The following PSAPL1 variants were observed in gnomAD, a reference collection of about 807,000 sequenced individuals.
PSAPL1 encodes the protein proactivator polypeptide-like 1.
For missense variants in PSAPL1, 814 were observed against 688.8 expected (o/e 1.18, Z -2.03); for synonymous variants, 351 against 291.6 (o/e 1.20, Z -2.08).
Position 7,431,404 on chromosome 4 carries a change from G to A in PSAPL1, c.*1910C>T, listed in dbSNP as rs1256266298. The A allele has an allele frequency of 6.6e-6, 1 of 152,316 alleles. No individual in the cohort carries two copies. The highest frequency in any genetic ancestry group is 1.5e-5 in the Non-Finnish European group (1 of 68,112). 9.4% of individuals were successfully genotyped at this position (152,316 alleles called of 1,614,324 possible). A position where few individuals can be genotyped will look rare whatever the true frequency, so the allele number is the denominator to read the frequency against. ...GCCTCTCCCAGGTGACCTGTCGGGGGATTTCAGGTCATGTCACACATACTT... is the reference window on the plus strand; with the variant it reads ...GCCTCTCCCAGGTGACCTGTCGGGGAATTTCAGGTCATGTCACACATACTT... On this transcript the variant is annotated 3_prime_UTR_variant, in exon 1 of 1. Transcript: ENST00000319098.
Position 7,434,910 on chromosome 4 carries a change from C to T in PSAPL1, c.-31G>A. On this transcript the variant is annotated 5_prime_UTR_variant, in exon 1 of 1. Coordinates refer to ENST00000319098, the MANE Select transcript of PSAPL1 (RefSeq NM_001085382.2). ...CCAGGGACTCTCTGGCTCCAGAGTACCCAGCAGTGGCTGCTGCTATAAACC... is the reference window on the plus strand; with the variant it reads ...CCAGGGACTCTCTGGCTCCAGAGTATCCAGCAGTGGCTGCTGCTATAAACC... 6.6e-7 allele frequency: 1 copy of T among 1,504,470 alleles called. No homozygotes were observed. The highest frequency in any genetic ancestry group is 8.9e-7 in the Non-Finnish European group (1 of 1,127,156). 93.2% of individuals were successfully genotyped at this position (1,504,470 alleles called of 1,614,324 possible).
In PSAPL1 at chr4:7,434,344, G is replaced by C; in HGVS notation, c.536C>G (p.Pro179Arg). 3 of 1,609,450 alleles carry C rather than the reference G, an allele frequency of 1.9e-6. No individual in the cohort carries two copies. Among genetic ancestry groups the C allele is most frequent in the Non-Finnish European group, 2.5e-6 (3 of 1,178,230 alleles). Residue 179 changes from proline (P) to arginine (R), a missense_variant, in exon 1 of 1, where the codon CCT becomes CGT. Physicochemically the swap from Pro to Arg is moderately radical, Grantham distance 103. Transcript: ENST00000319098. ...ACAGTCTTGGCACAGAGCTCCTTCA[G>C]GCGCCTGGCGGGGGTGGAAGGTAAG... ...GPLTFHPRQA[P>R]EGALCQDCVR...
Position 7,433,914 on chromosome 4 carries a change from C to T in PSAPL1, c.966G>A (p.Glu322=), listed in dbSNP as rs543804070. The change falls in exon 1 of 1, where the codon GAG becomes GAA. Residue 322 remains glutamate, a synonymous_variant. Transcript: ENST00000319098. The part of the protein sequence containing the change: ...SSELMITHAL[E]RVCSVMPASI... ...AGGCAGGCATTACCGAGCACACGCG[C>T]TCCAGGGCATGGGTGATCATGAGCT... 6.2e-6 allele frequency: 10 copies of T among 1,613,882 alleles called. No individual in the cohort carries two copies. Among genetic ancestry groups the T allele is most frequent in the East Asian group, 4.5e-5 (2 of 44,880 alleles).
chr4:7,434,684 C>T lies in PSAPL1; in HGVS notation c.196G>A (p.Val66Ile), dbSNP rs762924459. 21 of 1,612,636 alleles carry T rather than the reference C, an allele frequency of 1.3e-5. No homozygotes were observed. The highest frequency in any genetic ancestry group is 2.2e-5 in the East Asian group (1 of 44,862). ...GCGGCGGCTGCTATGTCCTGGCATA[C>T]GTCGCAGGGCAGAGACTTCGCGGTG... ...KPTAKSLPCD[V>I]CQDIAAAAGN... The change falls in exon 1 of 1, where the codon GTA becomes ATA. Residue 66 changes from valine (V) to isoleucine (I), a missense_variant. By Grantham distance (29) the Val-to-Ile change is conservative (BLOSUM62 3). Transcript: ENST00000319098.
Position 7,433,477 on chromosome 4 carries a change from G to T in PSAPL1, c.1403C>A (p.Ala468Asp), listed in dbSNP as rs761604402. 1.9e-6 allele frequency: 3 copies of T among 1,579,210 alleles called. No individual in the cohort carries two copies. Among genetic ancestry groups the T allele is most frequent in the East Asian group, 2.3e-5 (1 of 44,190 alleles). Reference protein sequence around the residue: ...DPVAVCKKVGACHGPRTPLLG... With the variant: ...DPVAVCKKVGDCHGPRTPLLG... ...CAGTGGGGTCCTGGGGCCGTGGCAG[G>T]CCCCCACCTTCTTGCACACAGCCAC... The change falls in exon 1 of 1, where the codon GCC becomes GAC. Residue 468 changes from alanine to aspartate, a missense_variant. Coordinates refer to ENST00000319098, the MANE Select transcript of PSAPL1 (RefSeq NM_001085382.2).
chr4:7,434,136 G>A lies in PSAPL1; in HGVS notation c.744C>T (p.Cys248=). 6.2e-7 allele frequency: 1 copy of A among 1,613,662 alleles called. No homozygotes were observed. Among genetic ancestry groups the A allele is most frequent in the Non-Finnish European group, 8.5e-7 (1 of 1,179,684 alleles). ...GCTCCTCACAGAATCCCCCCTTCCT[G>A]CAGAGCTCCTGCGGGGGGAGAAGCC... is the stretch of plus-strand genomic sequence containing the variant. ...ALRLLPPQEL[C]RKGGFCEELG... The change falls in exon 1 of 1, where the codon TGC becomes TGT. Residue 248 remains cysteine, a synonymous_variant. Transcript: ENST00000319098.
At position 7,430,347 on chromosome 4, in the gene PSAPL1, A is replaced by G. The variant is rs1170654297; in HGVS notation, c.*2967T>C. 6.7e-6 allele frequency: 1 copy of G among 150,212 alleles called. No homozygotes were observed. Among genetic ancestry groups the G allele is most frequent in the Admixed American group, 6.7e-5 (1 of 14,896 alleles). 9.3% of individuals were successfully genotyped at this position (150,212 alleles called of 1,614,324 possible). Reference sequence around the variant, plus strand: ...AGTTTCTAACAACACATCACTTCTAAGAAAAGCCCCAAGCCAAAACAAACA... The same window carrying G: ...AGTTTCTAACAACACATCACTTCTAGGAAAAGCCCCAAGCCAAAACAAACA... On this transcript the variant is annotated 3_prime_UTR_variant, in exon 1 of 1. Transcript: ENST00000319098.
Position 7,431,660 on chromosome 4 carries a change from C to G in PSAPL1, c.*1654G>C, listed in dbSNP as rs1435138110. ...GCAGAGCTGCCTTCCCATGGCCCATCCGGTGGCCAGGCACGACCACCACCC... is the reference window on the plus strand; with the variant it reads ...GCAGAGCTGCCTTCCCATGGCCCATGCGGTGGCCAGGCACGACCACCACCC... On this transcript the variant is annotated 3_prime_UTR_variant, in exon 1 of 1. Transcript: ENST00000319098. 5 of 152,182 alleles carry G rather than the reference C, an allele frequency of 3.3e-5. No homozygotes were observed. Among genetic ancestry groups the G allele is most frequent in the Non-Finnish European group, 1.5e-5 (1 of 68,072 alleles). 9.4% of individuals were successfully genotyped at this position (152,182 alleles called of 1,614,324 possible). A position where few individuals can be genotyped will look rare whatever the true frequency, so the allele number is the denominator to read the frequency against.
chr4:7,434,779 C>T lies in PSAPL1; in HGVS notation c.101G>A (p.Cys34Tyr), dbSNP rs755331259. 7 of 1,612,212 alleles carry T rather than the reference C, an allele frequency of 4.3e-6. No individual in the cohort carries two copies. In the Admixed American group the frequency reaches 1.0e-4, roughly 23 times the overall value. The change falls in exon 1 of 1, where the codon TGT becomes TAT. Residue 34 changes from cysteine (C) to tyrosine (Y), a missense_variant. Physicochemically the swap from Cys to Tyr is radical, Grantham distance 194. Coordinates refer to ENST00000319098, the MANE Select transcript of PSAPL1 (RefSeq NM_001085382.2). ...QECAKGSTVW[C>Y]QDLQTAARCG... ...CCTGGCAGCTGTCTGCAGATCCTGACACCACACCGTGGAGCCCTTTGCACA... is the reference window on the plus strand; with the variant it reads ...CCTGGCAGCTGTCTGCAGATCCTGATACCACACCGTGGAGCCCTTTGCACA...
At position 7,434,926 on chromosome 4, in the gene PSAPL1, G is replaced by A. The variant is rs1479796226; in HGVS notation, c.-47C>T. On this transcript the variant is annotated 5_prime_UTR_variant, in exon 1 of 1. Coordinates refer to ENST00000319098, the MANE Select transcript of PSAPL1 (RefSeq NM_001085382.2). ...TCCAGAGTACCCAGCAGTGGCTGCT[G>A]CTATAAACCTGGCTCTCCTGCCTGG... The A allele has an allele frequency of 5.4e-6, 8 of 1,476,506 alleles. No homozygotes were observed. Among genetic ancestry groups the A allele is most frequent in the Admixed American group, 2.6e-5 (1 of 38,996 alleles). The allele number at this position is 1,476,506 out of a possible 1,614,324, so 91.5% of individuals were successfully genotyped here. A position where few individuals can be genotyped will look rare whatever the true frequency, so the allele number is the denominator to read the frequency against.
rs1266441451 is a variant in PSAPL1 at position 7,433,588 on chromosome 4, G to A, written c.1292C>T (p.Pro431Leu). ...VAFKGGCSIL[P>L]LPYMIQCKHF... The stretch of plus-strand genomic sequence containing the variant: ...CTTGCACTGGATCATATAGGGCAGC[G>A]GCAGGATGCTGCAGCCACCCTTGAA... Residue 431 changes from proline (P) to leucine (L), a missense_variant, in exon 1 of 1, where the codon CCG becomes CTG. Coordinates refer to ENST00000319098, the MANE Select transcript of PSAPL1 (RefSeq NM_001085382.2). 9.9e-6 allele frequency: 16 copies of A among 1,611,576 alleles called. No homozygotes were observed. The highest frequency in any genetic ancestry group is 4.5e-5 in the East Asian group (2 of 44,802).
chr4:7,432,994 C>A lies in PSAPL1; in HGVS notation c.*320G>T, dbSNP rs1394337222. 4.5e-6 allele frequency: 1 copy of A among 221,828 alleles called. No homozygotes were observed. The highest frequency in any genetic ancestry group is 8.8e-6 in the Non-Finnish European group (1 of 114,126). The allele number at this position is 221,828 out of a possible 1,614,324, so 13.7% of individuals were successfully genotyped here. On this transcript the variant is annotated 3_prime_UTR_variant, in exon 1 of 1. Coordinates refer to ENST00000319098, the MANE Select transcript of PSAPL1 (RefSeq NM_001085382.2). The stretch of plus-strand genomic sequence containing the variant: ...CCATCCAGCAGAAGGTAAAGGGGCA[C>A]CTGAGCCCATGGGCAGGCTCTCATG...
At position 7,434,119 on chromosome 4, in the gene PSAPL1, C is replaced by T. The variant is rs1727101831; in HGVS notation, c.761G>A (p.Cys254Tyr). 1 of 1,612,720 alleles carries T rather than the reference C, an allele frequency of 6.2e-7. No homozygotes were observed. The highest frequency in any genetic ancestry group is 1.3e-5 in the African/African-American group (1 of 75,024). ...ACGGGCAGGTGCCCCTAGCTCCTCA[C>T]AGAATCCCCCCTTCCTGCAGAGCTC... ...PQELCRKGGFCEELGAPARLT... is the reference protein window; with the variant it reads ...PQELCRKGGFYEELGAPARLT... The change falls in exon 1 of 1, where the codon TGT (cysteine) becomes TAT (tyrosine). Residue 254 changes from cysteine (C) to tyrosine (Y), a missense_variant. Coordinates refer to ENST00000319098, the MANE Select transcript of PSAPL1 (RefSeq NM_001085382.2).
chr4:7,433,143 G>A lies in PSAPL1; in HGVS notation c.*171C>T, dbSNP rs931048792. ...TTCAAGGGCAAAGCTGTGCGGCACC[G>A]TTGTTAAGAGAGAGGCTTTCGGGAT... On this transcript the variant is annotated 3_prime_UTR_variant, in exon 1 of 1. Transcript: ENST00000319098. 223 of 616,702 alleles carry A rather than the reference G, an allele frequency of 3.6e-4. 1 individual carries two copies. In the East Asian group the frequency reaches 7.1e-3, roughly 20 times the overall value. The allele number at this position is 616,702 out of a possible 1,614,324, so 38.2% of individuals were successfully genotyped here.
At position 7,433,682 on chromosome 4, in the gene PSAPL1, T is replaced by C. The variant is rs1396623254; in HGVS notation, c.1198A>G (p.Lys400Glu). 1.2e-6 allele frequency: 2 copies of C among 1,612,362 alleles called. No individual in the cohort carries two copies. Among genetic ancestry groups the C allele is most frequent in the Admixed American group, 1.7e-5 (1 of 59,962 alleles). Reference sequence around the variant, plus strand: ...TGGGAGGACACCGTGAGCAGCCTCTTGCACCCATTGCAGAAGCTGCCCTGG... The same window carrying C: ...TGGGAGGACACCGTGAGCAGCCTCTCGCACCCATTGCAGAAGCTGCCCTGG... Reference protein sequence around the residue: ...ENQGSFCNGCKRLLTVSSHNL... With the variant: ...ENQGSFCNGCERLLTVSSHNL... Residue 400 changes from lysine to glutamate, a missense_variant, in exon 1 of 1, where the codon AAG becomes GAG. Coordinates refer to ENST00000319098, the MANE Select transcript of PSAPL1 (RefSeq NM_001085382.2).
At position 7,432,246 on chromosome 4, in the gene PSAPL1, C is replaced by A. The variant is rs77810263; in HGVS notation, c.*1068G>T. 0.15 allele frequency: 22,111 copies of A among 152,120 alleles called. 1,869 individuals are homozygous for A. The highest frequency in any genetic ancestry group is 0.28 in the Middle Eastern group (82 of 294). The allele number at this position is 152,120 out of a possible 1,614,324, so 9.4% of individuals were successfully genotyped here. A position where few individuals can be genotyped will look rare whatever the true frequency, so the allele number is the denominator to read the frequency against. ...TGCGCCTTCCCTGAGAATAAAAACA[C>A]GGCACACGGCATTTGGAGAACGCTT... On this transcript the variant is annotated 3_prime_UTR_variant, in exon 1 of 1. Coordinates refer to ENST00000319098, the MANE Select transcript of PSAPL1 (RefSeq NM_001085382.2).
At position 7,434,013 on chromosome 4, in the gene PSAPL1, C is replaced by T; in HGVS notation, c.867G>A (p.Lys289=). Residue 289 remains lysine (K), a synonymous_variant, in exon 1 of 1, where the codon AAG becomes AAA. Transcript: ENST00000319098. ...TGCACACCTCACAGGTCACACCGGC[C>T]TTCATCTGCATCTCGCTCTGTTTCC... ...LPRKQSEMQM[K]AGVTCEVCMN... is the part of the protein sequence containing the mutation. The T allele has an allele frequency of 6.2e-7, 1 of 1,612,450 alleles. No homozygotes were observed.
At position 7,433,332 on chromosome 4, in the gene PSAPL1, G is replaced by C. The variant is rs999012278; in HGVS notation, c.1548C>G (p.His516Gln). 2 of 1,421,360 alleles carry C rather than the reference G, an allele frequency of 1.4e-6. No homozygotes were observed. The highest frequency in any genetic ancestry group is 1.4e-5 in the African/African-American group (1 of 69,162). 88.0% of individuals were successfully genotyped at this position (1,421,360 alleles called of 1,614,324 possible). The part of the protein sequence containing the change: ...QKHVWKEMHL[H>Q]AGEHA ...GCCACGGTCACGCGTGTTCCCCAGC[G>C]TGGAGGTGCATCTCTTTCCATACAT... The change falls in exon 1 of 1, where the codon CAC becomes CAG. Residue 516 changes from histidine (H) to glutamine (Q), a missense_variant. Transcript: ENST00000319098.
Position 7,433,368 on chromosome 4 carries a change from G to T in PSAPL1, c.1512C>A (p.His504Gln). The T allele has an allele frequency of 2.1e-6, 3 of 1,463,152 alleles. No homozygotes were observed. The South Asian group carries it at 4.5e-5, about 22-fold the overall frequency. 90.6% of individuals were successfully genotyped at this position (1,463,152 alleles called of 1,614,324 possible). The part of the protein sequence containing the change: ...EAAKLCNAVQ[H>Q]CQKHVWKEMH... ...TCTCTTTCCATACATGCTTCTGGCAGTGTTGCACAGCGTTGCACAGCTTGG... is the reference window on the plus strand; with the variant it reads ...TCTCTTTCCATACATGCTTCTGGCATTGTTGCACAGCGTTGCACAGCTTGG... Residue 504 changes from histidine (H) to glutamine (Q), a missense_variant, in exon 1 of 1, where the codon CAC (histidine) becomes CAA (glutamine). His to Gln is a conservative substitution (Grantham distance 24). Transcript: ENST00000319098.
Sources: gnomAD v4.1 joint callset for allele counts on GRCh38, gnomAD v4.1.1 for gene constraint, MANE v1.5 for transcripts, NCBI Gene and HGNC (gene_info 2026-07-23, HGNC 2026-07-21) for gene names.